Variants in SAMD4A observed in about 807,000 individuals in gnomAD.
The protein encoded by SAMD4A is protein Smaug homolog 1.
SAMD4A carries 33 observed loss-of-function variants against 81.3 expected under a neutral mutation model. The ratio of observed to expected loss-of-function variants is 0.41; its 90% CI spans 0.31 to 0.54. SAMD4A has a LOEUF of 0.54. SAMD4A is among the 20% of genes least tolerant of loss of function. The pLI is 0.37. For missense variants in SAMD4A, 854 were observed against 951.1 expected (o/e 0.90, Z 1.34); for synonymous variants, 389 against 382.1 (o/e 1.02, Z -0.21).
At chr14:54,651,026 T>C (rs1416734049) in intron 2 of SAMD4A, among the ~76,000 whole-genome samples, 1 of 152,218 alleles carries the variant, frequency 6.6e-6, no homozygotes, top group Non-Finnish European at 1.5e-5. Flanking sequence ...GGTTCCCTGG[T>C]CTGCAGTGAC....
intron 2 of SAMD4A, among the ~76,000 whole-genome samples, chr14:54,700,415 T>C (rs571527736): frequency 6.6e-6 from 1 of 152,214 alleles, no homozygotes; most frequent in Non-Finnish European, 1.5e-5. Flanking sequence ...TTTGCTGGTA[T>C]TTTTCTTGAA....
intron 2 of SAMD4A, among the ~76,000 whole-genome samples, chr14:54,672,812 A>G (rs1248121338): frequency 6.6e-6 from 1 of 152,258 alleles, no homozygotes; most frequent in Non-Finnish European, 1.5e-5. Flanking sequence ...ACATGGGAAC[A>G]ATGAAATGAT....
chr14:54,774,705 T>C (rs2139932608), intron 9 of SAMD4A, among the ~76,000 whole-genome samples: 1 of 148,036 alleles, frequency 6.8e-6, no homozygotes, highest in African/African-American at 2.5e-5. Flanking sequence ...TCCCAGCTAC[T>C]CCAGAGGCTG....
intron 4 of SAMD4A, among the ~76,000 whole-genome samples, chr14:54,742,404 A>C (rs1269970021): frequency 6.6e-6 from 1 of 152,166 alleles, no homozygotes; most frequent in Non-Finnish European, 1.5e-5. Flanking sequence ...GGAGGTGTGC[A>C]ACCCCCTCAG....
At chr14:54,681,848 C>G in intron 2 of SAMD4A, 2 of 985,318 alleles carry the variant, frequency 2.0e-6, no homozygotes, top group East Asian at 1.1e-4. Context: ...GGAACTCTCC[C>G]AAAAGATAAG....
chr14:54,568,729 AT>A (rs1440650533), intron 2 of SAMD4A, among the ~76,000 whole-genome samples: 71 of 129,896 alleles, frequency 5.5e-4, no homozygotes, highest in Non-Finnish European at 8.6e-4. Context: ...ATATATATAT[AT>A]ATATATATAT....
chr14:54,620,127 G>C (rs2034581103), intron 2 of SAMD4A, among the ~76,000 whole-genome samples: 1 of 151,970 alleles, frequency 6.6e-6, no homozygotes, highest in Non-Finnish European at 1.5e-5. Flanking sequence ...TATTTCATGA[G>C]GTTGGCATTA....
At chr14:54,627,280 A>G (rs914068391) in intron 2 of SAMD4A, among the ~76,000 whole-genome samples, 6 of 152,226 alleles carry the variant, frequency 3.9e-5, no homozygotes, top group African/African-American at 1.4e-4. Flanking sequence ...TTTTTAAAGA[A>G]ATTTTGTCAT....
chr14:54,743,750 C>G (rs892575631), intron 4 of SAMD4A, among the ~76,000 whole-genome samples: 1 of 152,204 alleles, frequency 6.6e-6, no homozygotes, highest in Non-Finnish European at 1.5e-5. Context: ...CAGAGGCCTC[C>G]ATGGACACTT....
At chr14:54,667,121 C>T (rs541653126) in intron 2 of SAMD4A, among the ~76,000 whole-genome samples, 5 of 152,182 alleles carry the variant, frequency 3.3e-5, no homozygotes, top group African/African-American at 7.2e-5. Context: ...TTTAATTTCA[C>T]GCTCTTGTAT....
intron 2 of SAMD4A, among the ~76,000 whole-genome samples, chr14:54,695,413 C>G: frequency 6.6e-6 from 1 of 152,252 alleles, no homozygotes; most frequent in East Asian, 1.9e-4. Context: ...ATACAGGTCT[C>G]TCCCTGGGAT....
intron 4 of SAMD4A, 72 bp from the exon 5 acceptor site, chr14:54,748,743 C>A: frequency 9.7e-7 from 1 of 1,034,674 alleles, no homozygotes. Flanking sequence ...TTTCTCTGTT[C>A]CTACATCTCT....
At chr14:54,696,622 A>G (rs538458591) in intron 2 of SAMD4A, among the ~76,000 whole-genome samples, 3 of 152,358 alleles carry the variant, frequency 2.0e-5, no homozygotes, top group East Asian at 1.9e-4. Context: ...AAGCATTGAC[A>G]TACCATTGTG....
At chr14:54,783,548 G>A (rs2039056496) in intron 11 of SAMD4A, among the ~76,000 whole-genome samples, 3 of 152,204 alleles carry the variant, frequency 2.0e-5, no homozygotes, top group South Asian at 4.1e-4. Context: ...AGTGGGAGCC[G>A]AGCCCCTACT....
chr14:54,661,812 A>G (rs2035648470), intron 2 of SAMD4A, among the ~76,000 whole-genome samples: 1 of 152,204 alleles, frequency 6.6e-6, no homozygotes, highest in South Asian at 2.1e-4. Context: ...TGTTCTGAGG[A>G]CAGCCCTTTA....
At chr14:54,754,035 C>T (rs2038177598) in intron 6 of SAMD4A, among the ~76,000 whole-genome samples, 1 of 152,218 alleles carries the variant, frequency 6.6e-6, no homozygotes, top group Non-Finnish European at 1.5e-5. Flanking sequence ...TTCTTCCCTT[C>T]TTTCTGGAGC....
At chr14:54,691,721 A>G (rs994338106) in intron 2 of SAMD4A, among the ~76,000 whole-genome samples, 1 of 152,184 alleles carries the variant, frequency 6.6e-6, no homozygotes, top group African/African-American at 2.4e-5. Flanking sequence ...GAGGGGAAGC[A>G]GGAAGGGAGG....
chr14:54,685,680 C>T (rs978616931), intron 2 of SAMD4A: 1 of 456,716 alleles, frequency 2.2e-6, no homozygotes, highest in Non-Finnish European at 4.4e-6. Context: ...CCCCAGCTCT[C>T]TTCAGTGGTG....
chr14:54,723,999 T>TGGAAGGAAGGAAGGAA (rs1352946376), intron 3 of SAMD4A, among the ~76,000 whole-genome samples: 1,271 of 52,510 alleles, frequency 0.024, 20 homozygotes, highest in African/African-American at 0.033. Flanking sequence ...ATTGGATGGA[T>TGGAAGGAAGGAAGGAA]GGATGGATGG....
Sources: allele counts gnomAD v4.1 joint callset (sites outside exome capture counted in the v4.1 genomes callset), GRCh38; gene constraint gnomAD v4.1.1; transcripts MANE v1.5; gene names NCBI Gene and HGNC (gene_info 2026-07-23, HGNC 2026-07-21).